The following FBXO31 variants were observed in gnomAD, a reference collection of about 807,000 sequenced individuals.
The protein encoded by FBXO31 is F-box only protein 31.
Under a neutral mutation model 54.4 loss-of-function variants are expected in FBXO31, and 24 were observed. The observed-to-expected ratio is 0.44, with a 90% CI of 0.32 to 0.62. The LOEUF (loss-of-function observed/expected upper bound fraction) is 0.62. Among genes scored for constraint, FBXO31 ranks in the 20% least tolerant of loss-of-function variants. FBXO31 has a pLI of 0.05. For missense variants in FBXO31, 665 were observed against 787.1 expected (o/e 0.84, Z 1.86); for synonymous variants, 388 against 335.6 (o/e 1.16, Z -1.71).
At chr16:87,363,708 C>T (rs1476071279) in intron 1 of FBXO31, among the ~76,000 whole-genome samples, 1 of 152,124 alleles carries the variant, frequency 6.6e-6, no homozygotes, top group Non-Finnish European at 1.5e-5. Flanking sequence ...CATGAGAGAA[C>T]TGGACAGGGA....
chr16:87,348,120 C>T (rs1221052584), intron 2 of FBXO31, among the ~76,000 whole-genome samples: 1 of 152,162 alleles, frequency 6.6e-6, no homozygotes, highest in Non-Finnish European at 1.5e-5. Context: ...GCCTCCCCTT[C>T]AGGCAGGCCT....
chr16:87,371,667 C>A (rs1453932284), intron 1 of FBXO31, among the ~76,000 whole-genome samples: 2 of 152,260 alleles, frequency 1.3e-5, no homozygotes, highest in Non-Finnish European at 2.9e-5. Context: ...CTGCAAGATC[C>A]CAAGATGCCC....
chr16:87,366,291 A>T (rs1372441173), intron 1 of FBXO31, among the ~76,000 whole-genome samples: 1 of 152,228 alleles, frequency 6.6e-6, no homozygotes, highest in Non-Finnish European at 1.5e-5. Context: ...ACAACTGGGG[A>T]AATCAGAGCA....
chr16:87,356,284 A>G (rs1049529447), intron 2 of FBXO31, among the ~76,000 whole-genome samples: 3 of 151,904 alleles, frequency 2.0e-5, no homozygotes, highest in African/African-American at 7.3e-5. Flanking sequence ...CATTCCTGTC[A>G]GCACCAAGGA....
At chr16:87,374,883 T>C (rs1460246276) in intron 1 of FBXO31, among the ~76,000 whole-genome samples, 1 of 152,212 alleles carries the variant, frequency 6.6e-6, no homozygotes, top group Non-Finnish European at 1.5e-5. Flanking sequence ...ATGAAGTAGC[T>C]CATAAATGAA....
chr16:87,329,419 G>A lies in FBXO31; in HGVS notation c.*1869C>T, dbSNP rs2150665021. 6.6e-6 allele frequency: 1 copy of A among 152,436 alleles called. No homozygotes were observed. Among genetic ancestry groups the A allele is most frequent in the Admixed American group, 6.5e-5 (1 of 15,312 alleles). 9.4% of individuals were successfully genotyped at this position (152,436 alleles called of 1,614,324 possible). A position where few individuals can be genotyped will look rare whatever the true frequency, so the allele number is the denominator to read the frequency against. On this transcript the variant is annotated 3_prime_UTR_variant, in exon 9 of 9. Transcript: ENST00000311635. ...CCCCAAAGGGCACGCCTCTAGGACT[G>A]CGTCCCTTAGAGCGAGGCTCGGGCT...
chr16:87,365,010 A>AAAATATATATATATATATATAT (rs1233086176), intron 1 of FBXO31, among the ~76,000 whole-genome samples: 4 of 47,684 alleles, frequency 8.4e-5, no homozygotes, highest in Non-Finnish European at 1.1e-4. Context: ...CCGTCTCTTA[A>AAAATATATATATATATATATAT]ATATATATAT....
In FBXO31 at chr16:87,383,372, C is replaced by T. The variant is rs747241333; in HGVS notation, c.340+33G>A. On this transcript the variant is annotated intron_variant, in intron 1 of 8. Coordinates refer to ENST00000311635, the MANE Select transcript of FBXO31 (RefSeq NM_024735.5). This position sits in a 1 kb window ranked among gnomAD's most constrained non-coding sequence, Gnocchi z 4.9. Reference sequence around the variant, plus strand: ...GCCTCCACCTGGCAGGGACCCCCCGCCCCTCCCGGCCCCGCCACCCCCGCG... The same window carrying T: ...GCCTCCACCTGGCAGGGACCCCCCGTCCCTCCCGGCCCCGCCACCCCCGCG... 6.5e-4 allele frequency: 951 copies of T among 1,459,170 alleles called. 1 individual carries two copies. The highest frequency in any genetic ancestry group is 8.4e-4 in the Non-Finnish European group (910 of 1,081,354). 90.4% of individuals were successfully genotyped at this position (1,459,170 alleles called of 1,614,324 possible). A position where few individuals can be genotyped will look rare whatever the true frequency, so the allele number is the denominator to read the frequency against.
In FBXO31 at chr16:87,330,975, C is replaced by G; in HGVS notation, c.*313G>C. 3.2e-6 allele frequency: 1 copy of G among 307,944 alleles called. No individual in the cohort carries two copies. Among genetic ancestry groups the G allele is most frequent in the Non-Finnish European group, 6.2e-6 (1 of 160,362 alleles). The allele number at this position is 307,944 out of a possible 1,614,324, so 19.1% of individuals were successfully genotyped here. ...CTTCCCGAGAAAACCACCAGCCAGC[C>G]CAGGGTGCGGGAACCCCACCGCTTC... On this transcript the variant is annotated 3_prime_UTR_variant, in exon 9 of 9. Transcript: ENST00000311635.
chr16:87,334,091 G>A lies in FBXO31; in HGVS notation c.1192C>T (p.Arg398Trp), dbSNP rs768975944. The stretch of plus-strand genomic sequence containing the variant: ...TGGGCAGGGCTTGGCTGGGACTCCC[G>A]GGGGCCCTGCCGGCCACGACCCTCG... Reference protein sequence around the residue: ...AGEGRGRQGPRESQPSPAQPR... With the variant: ...AGEGRGRQGPWESQPSPAQPR... The change falls in exon 8 of 9, where the codon CGG (arginine) becomes TGG (tryptophan). Residue 398 changes from arginine (R) to tryptophan (W), a missense_variant. Coordinates refer to ENST00000311635, the MANE Select transcript of FBXO31 (RefSeq NM_024735.5). 30 of 1,609,384 alleles carry A rather than the reference G, an allele frequency of 1.9e-5. No individual in the cohort carries two copies. The highest frequency in any genetic ancestry group is 1.7e-4 in the Middle Eastern group (1 of 6,056).
intron 2 of FBXO31, among the ~76,000 whole-genome samples, chr16:87,356,769 G>C (rs892716763): frequency 6.6e-6 from 1 of 152,162 alleles, no homozygotes; most frequent in Non-Finnish European, 1.5e-5. Flanking sequence ...TTAAGATGTA[G>C]GTCTGCTCCC....
At chr16:87,341,899 C>T (rs1439841957) in intron 5 of FBXO31, among the ~76,000 whole-genome samples, 1 of 151,990 alleles carries the variant, frequency 6.6e-6, no homozygotes, top group African/African-American at 2.4e-5. Context: ...GAAACCACCA[C>T]AACTCAAACT....
intron 1 of FBXO31, among the ~76,000 whole-genome samples, chr16:87,361,063 G>C (rs569592435): frequency 1.3e-5 from 2 of 152,180 alleles, no homozygotes; most frequent in African/African-American, 2.4e-5. Context: ...TCCGGCTTGG[G>C]TCTCCGCTAG....
intron 8 of FBXO31, among the ~76,000 whole-genome samples, chr16:87,333,316 C>T (rs994301204): frequency 8.5e-5 from 13 of 152,236 alleles, no homozygotes; most frequent in Non-Finnish European, 1.8e-4. Flanking sequence ...CTCCACTGGC[C>T]ACCAAGGCAC....
intron 5 of FBXO31, among the ~76,000 whole-genome samples, chr16:87,339,285 C>T (rs1233467497): frequency 6.6e-6 from 1 of 152,220 alleles, no homozygotes; most frequent in Non-Finnish European, 1.5e-5. Context: ...GGGATGTCCT[C>T]TTCCTGGAAT....
intron 2 of FBXO31, among the ~76,000 whole-genome samples, chr16:87,357,441 C>A (rs1021049929): frequency 6.6e-6 from 1 of 151,654 alleles, no homozygotes; most frequent in Admixed American, 6.6e-5. Flanking sequence ...GCGATTCCCC[C>A]ACCTCAGCCT....
Position 87,331,188 on chromosome 16 carries a change from G to T in FBXO31, c.*100C>A. On this transcript the variant is annotated 3_prime_UTR_variant, in exon 9 of 9. Transcript: ENST00000311635. Reference sequence around the variant, plus strand: ...GCCCCCCGACGAGGTGTGCGTTCTGGTCAAAAGGCCGGATTTCCAAAGTGC... The same window carrying T: ...GCCCCCCGACGAGGTGTGCGTTCTGTTCAAAAGGCCGGATTTCCAAAGTGC... 8.0e-7 allele frequency: 1 copy of T among 1,253,988 alleles called. No homozygotes were observed. Among genetic ancestry groups the T allele is most frequent in the Non-Finnish European group, 1.1e-6 (1 of 884,492 alleles). The allele number at this position is 1,253,988 out of a possible 1,614,324, so 77.7% of individuals were successfully genotyped here. A position where few individuals can be genotyped will look rare whatever the true frequency, so the allele number is the denominator to read the frequency against.
At position 87,334,073 on chromosome 16, in the gene FBXO31, G is replaced by C; in HGVS notation, c.1210C>G (p.Pro404Ala). 2 of 1,610,912 alleles carry C rather than the reference G, an allele frequency of 1.2e-6. No homozygotes were observed. Among genetic ancestry groups the C allele is most frequent in the Non-Finnish European group, 1.7e-6 (2 of 1,178,736 alleles). ...GGCGCCTCTGCCCTGGGCTGGGCAG[G>C]GCTTGGCTGGGACTCCCGGGGGCCC... ...RQGPRESQPSPAQPRAEAPSK... is the reference protein window; with the variant it reads ...RQGPRESQPSAAQPRAEAPSK... Residue 404 changes from proline (P) to alanine (A), a missense_variant, in exon 8 of 9, where the codon CCT becomes GCT. By Grantham distance (27) the Pro-to-Ala change is conservative. Around this residue, in one of 4 missense-constraint regions of FBXO31, gnomAD observed 165 missense variants for 159.7 expected, o/e 1.03. Transcript: ENST00000311635.
At chr16:87,359,181 C>A (rs190410366) in intron 2 of FBXO31, among the ~76,000 whole-genome samples, 1 of 152,346 alleles carries the variant, frequency 6.6e-6, no homozygotes, top group African/African-American at 2.4e-5. Flanking sequence ...CATGTGAATT[C>A]TCCGCATTTT....
Sources: allele counts gnomAD v4.1 joint callset (sites outside exome capture counted in the v4.1 genomes callset), GRCh38; gene constraint gnomAD v4.1.1; regional missense constraint gnomAD v4.1.1; non-coding constraint Gnocchi (gnomAD v3.1); transcripts MANE v1.5; gene names NCBI Gene and HGNC (gene_info 2026-07-23, HGNC 2026-07-21).